AIM2: variants seen among roughly 807,000 people sequenced by gnomAD.
AIM2 encodes absent in melanoma 2.
AIM2 carries 30 observed loss-of-function variants against 27.7 expected under a neutral mutation model. The ratio of observed to expected loss-of-function variants is 1.08; its 90% confidence interval spans 0.81 to 1.47. The LOEUF (loss-of-function observed/expected upper bound fraction) is 1.47. AIM2 is among the 40% of genes most tolerant of loss of function. The pLI, the probability that AIM2 is intolerant of heterozygous loss-of-function variation, is 0.00. For missense variants in AIM2, 358 were observed against 411.3 expected (o/e 0.87, Z 1.12); for synonymous variants, 141 against 145.3 (o/e 0.97, Z 0.21).
intron 1 of AIM2, among the ~76,000 whole-genome samples, chr1:159,108,467 C>T (rs1657500731): frequency 6.6e-6 from 1 of 152,152 alleles, no homozygotes; most frequent in Non-Finnish European, 1.5e-5. Context: ...AAAGCATTCC[C>T]TCTGAGAACT....
rs542185252 is a variant in AIM2 at position 159,138,489 on chromosome 1, C to T, written c.-16+1942G>A. ...AATTCCTCCATAGTACATATCACTA[C>T]CTAAAATGCTATTAGCTATTATAAT... On this transcript the variant is annotated intron_variant, in intron 1 of 2. Transcript: ENST00000368129. Among the ~76,000 whole-genome samples, 138 of 152,292 alleles carry T rather than the reference C, an allele frequency of 9.1e-4. 1 individual carries two copies. The highest frequency in any genetic ancestry group is 3.1e-3 in the African/African-American group (130 of 41,552).
intron 1 of AIM2, among the ~76,000 whole-genome samples, chr1:159,085,975 C>T (rs1373968072): frequency 6.6e-6 from 1 of 152,154 alleles, no homozygotes; most frequent in Non-Finnish European, 1.5e-5. Context: ...TCATAATGTA[C>T]ACAAATATCA....
chr1:159,068,642 G>A lies in AIM2; in HGVS notation c.322C>T (p.Pro108Ser). ...TTTCTGATGGCTGCAGATGCAGCAGGACTCATTTCAGCTTGACTTAGTGGC... is the reference window on the plus strand; with the variant it reads ...TTTCTGATGGCTGCAGATGCAGCAGAACTCATTTCAGCTTGACTTAGTGGC... ...PKPLSQAEMS[P>S]AASAAIRNDV... is the part of the protein sequence containing the mutation. The change falls in exon 3 of 6, where the codon CCT (proline) becomes TCT (serine). Residue 108 changes from proline (P) to serine (S), a missense_variant. Transcript: ENST00000368130. 1 of 1,613,830 alleles carries A rather than the reference G, an allele frequency of 6.2e-7. No individual in the cohort carries two copies. Among genetic ancestry groups the A allele is most frequent in the Non-Finnish European group, 8.5e-7 (1 of 1,179,844 alleles).
Position 159,066,031 on chromosome 1 carries a change from G to T in AIM2, c.695C>A (p.Ser232Tyr). 6.2e-7 allele frequency: 1 copy of T among 1,614,150 alleles called. No individual in the cohort carries two copies. The highest frequency in any genetic ancestry group is 8.5e-7 in the Non-Finnish European group (1 of 1,180,028). ...NSASRVLDAE[S>Y]DQKVNVPLNI... ...CAGCGGGACATTAACCTTTTGGTCAGATTCAGCATCTAACACACGTGAGGC... is the reference window on the plus strand; with the variant it reads ...CAGCGGGACATTAACCTTTTGGTCATATTCAGCATCTAACACACGTGAGGC... Residue 232 changes from serine to tyrosine, a missense_variant, in exon 4 of 6, where the codon TCT becomes TAT. Physicochemically the swap from Ser to Tyr is moderately radical, Grantham distance 144. Transcript: ENST00000368130.
intron 2 of AIM2, 74 bp downstream of exon 2, chr1:159,073,164 C>T: frequency 1.9e-6 from 3 of 1,572,428 alleles, no homozygotes; most frequent in South Asian, 1.1e-5. Context: ...GGTCATATCC[C>T]AGGGATGCCA....
chr1:159,105,118 G>A (rs1657405787), intron 1 of AIM2, among the ~76,000 whole-genome samples: 1 of 152,202 alleles, frequency 6.6e-6, no homozygotes, highest in Non-Finnish European at 1.5e-5. Flanking sequence ...GAGCAGCAAG[G>A]GGTGTGTGAG....
chr1:159,140,015 A>G (rs1648081265), intron 1 of AIM2, among the ~76,000 whole-genome samples: 1 of 152,166 alleles, frequency 6.6e-6, no homozygotes, highest in Non-Finnish European at 1.5e-5. Context: ...GAAAAATGTG[A>G]CATACCCCTT....
chr1:159,086,244 G>C (rs72709586), intron 1 of AIM2, among the ~76,000 whole-genome samples: 5 of 152,118 alleles, frequency 3.3e-5, no homozygotes, highest in Non-Finnish European at 5.9e-5. Flanking sequence ...AGGCAACAAG[G>C]GTGAGGCAAA....
chr1:159,127,494 T>C (rs1449216567), intron 1 of AIM2, among the ~76,000 whole-genome samples: 3 of 152,234 alleles, frequency 2.0e-5, no homozygotes, highest in African/African-American at 7.2e-5. Flanking sequence ...GCAAAGTCTC[T>C]GGTATTATCA....
intron 1 of AIM2, among the ~76,000 whole-genome samples, chr1:159,087,571 GTCTTT>G (rs1330064374): frequency 7.8e-6 from 1 of 128,844 alleles, no homozygotes; most frequent in Non-Finnish European, 1.6e-5. Context: ...TCTGGATAAA[GTCTTT>G]TTTTTTTTTT....
chr1:159,125,943 T>C (rs1647674245), intron 1 of AIM2, among the ~76,000 whole-genome samples: 1 of 152,162 alleles, frequency 6.6e-6, no homozygotes, highest in African/African-American at 2.4e-5. Context: ...ACTGTGACTA[T>C]AAGAATTCAT....
At chr1:159,147,040 C>T (rs934946866) in exon 1 of AIM2, 4 of 152,236 alleles carry the variant, frequency 2.6e-5, no homozygotes, top group African/African-American at 9.7e-5. Flanking sequence ...TTCCTTCTTC[C>T]CTACATTCAT....
chr1:159,095,289 G>T (rs1035066546), intron 1 of AIM2, among the ~76,000 whole-genome samples: 1 of 152,132 alleles, frequency 6.6e-6, no homozygotes, highest in African/African-American at 2.4e-5. Context: ...TAAGGGATTT[G>T]TGAAATGATT....
chr1:159,057,343 C>T, the AIM2 span, among the ~76,000 whole-genome samples: 1 of 152,160 alleles, frequency 6.6e-6, no homozygotes, highest in Admixed American at 6.5e-5. Context: ...TAAACTGAAG[C>T]TGTGGAATTG....
chr1:159,114,861 G>C (rs1197059260), intron 1 of AIM2, among the ~76,000 whole-genome samples: 1 of 152,150 alleles, frequency 6.6e-6, no homozygotes, highest in African/African-American at 2.4e-5. Flanking sequence ...GGAAATAAAG[G>C]GTATTCAGTT....
intron 1 of AIM2, among the ~76,000 whole-genome samples, chr1:159,112,488 T>C (rs1484450246): frequency 6.6e-6 from 1 of 152,132 alleles, no homozygotes; most frequent in Non-Finnish European, 1.5e-5. Flanking sequence ...AGTGGGAGAC[T>C]ACAACACTCT....
intron 1 of AIM2, among the ~76,000 whole-genome samples, chr1:159,087,905 G>A (rs189279482): frequency 2.0e-5 from 3 of 152,204 alleles, no homozygotes; most frequent in Admixed American, 1.3e-4. Flanking sequence ...AGTGATAAGT[G>A]GCAGAGTTTG....
At chr1:159,141,658 C>T (rs1648113387), upstream of AIM2, among the ~76,000 whole-genome samples, 1 of 152,108 alleles carries the variant, frequency 6.6e-6, no homozygotes, top group Non-Finnish European at 1.5e-5. Context: ...AGAAGTCCAG[C>T]GCGCTCGTCC....
chr1:159,110,882 C>A (rs563739606), intron 1 of AIM2, among the ~76,000 whole-genome samples: 1 of 152,122 alleles, frequency 6.6e-6, no homozygotes, highest in Non-Finnish European at 1.5e-5. Flanking sequence ...ACATCTAGAG[C>A]ACATCAGAGA....
Sources: gnomAD v4.1 joint callset for allele counts (sites outside exome capture counted in the v4.1 genomes callset) on GRCh38, gnomAD v4.1.1 for gene constraint, MANE v1.5 for transcripts, NCBI Gene and HGNC (gene_info 2026-07-23, HGNC 2026-07-21) for gene names.